CELF2: variants seen among roughly 807,000 people sequenced by gnomAD.
The protein encoded by CELF2 is CUG triplet repeat RNA-binding protein 2.
A neutral mutation model predicts 62.6 loss-of-function variants in CELF2; 8 were observed. The observed-to-expected ratio is 0.13, with a 90% CI of 0.07 to 0.23. The LOEUF (loss-of-function observed/expected upper bound fraction) is 0.23, where lower values mean the gene tolerates loss of function less well. CELF2 is among the 10% of genes least tolerant of loss of function. The pLI is 1.00. For missense variants in CELF2, 333 were observed against 671.0 expected (o/e 0.50, Z 5.56); for synonymous variants, 258 against 250.0 (o/e 1.03, Z -0.30).
In CELF2 at chr10:10,934,128, G is replaced by A. The variant is rs1470408816; in HGVS notation, c.89+14129G>A. ...CTTATTTTGCGTCTTTTTTGTAATA[G>A]CCATTTTAATTGGGGTGAGGTGATA... On this transcript the variant is annotated intron_variant, in intron 2 of 13. Transcript: ENST00000636488. This position sits in a 1 kb window ranked among gnomAD's most constrained non-coding sequence, Gnocchi z 4.4. Among the ~76,000 whole-genome samples, 2 of 152,104 alleles carry A rather than the reference G, an allele frequency of 1.3e-5. No homozygotes were observed. Among genetic ancestry groups the A allele is most frequent in the African/African-American group, 4.8e-5 (2 of 41,420 alleles).
chr10:10,471,247 G>T, the CELF2 span, among the ~76,000 whole-genome samples: 1 of 151,572 alleles, frequency 6.6e-6, no homozygotes, highest in East Asian at 1.9e-4. Context: ...TTTCCATTTA[G>T]GTTGGTACTG....
chr10:10,979,837 A>G (rs977097011), intron 2 of CELF2, among the ~76,000 whole-genome samples: 1 of 152,230 alleles, frequency 6.6e-6, no homozygotes, highest in African/African-American at 2.4e-5. Context: ...AAATGCTGAT[A>G]ACAGTAAAGT....
chr10:10,723,776 C>T, the CELF2 span, among the ~76,000 whole-genome samples: 1 of 152,164 alleles, frequency 6.6e-6, no homozygotes, highest in African/African-American at 2.4e-5. Context: ...AATATGTATT[C>T]CGTGAACAGC....
At chr10:10,914,236 G>A (rs977461654) in intron 1 of CELF2, among the ~76,000 whole-genome samples, 2 of 152,056 alleles carry the variant, frequency 1.3e-5, no homozygotes. Flanking sequence ...CACACAATTA[G>A]CATGGGGGCT....
At chr10:11,292,616 C>T (rs926974282) in intron 9 of CELF2, among the ~76,000 whole-genome samples, 2 of 152,148 alleles carry the variant, frequency 1.3e-5, no homozygotes, top group Non-Finnish European at 2.9e-5. Context: ...GTGACATGCA[C>T]GAGGCAGTAT....
chr10:10,546,756 G>T, the CELF2 span, among the ~76,000 whole-genome samples: 4 of 152,074 alleles, frequency 2.6e-5, no homozygotes, highest in African/African-American at 9.7e-5. Flanking sequence ...GGGAAAAGGA[G>T]AGACAAGTAC....
the CELF2 span, among the ~76,000 whole-genome samples, chr10:10,568,367 C>T: frequency 6.6e-6 from 1 of 152,086 alleles, no homozygotes; most frequent in African/African-American, 2.4e-5. Flanking sequence ...CAAATTACTG[C>T]CTACAATTGG....
chr10:11,100,848 GCT>G (rs1030929893), intron 1 of CELF2, among the ~76,000 whole-genome samples: 5 of 152,160 alleles, frequency 3.3e-5, no homozygotes, highest in African/African-American at 1.2e-4. Context: ...TCCCATACCA[GCT>G]CTCTGATTTT....
chr10:10,841,707 C>T (rs1233924757), intron 1 of CELF2, among the ~76,000 whole-genome samples: 1 of 151,958 alleles, frequency 6.6e-6, no homozygotes, highest in South Asian at 2.1e-4. Flanking sequence ...TAGTGTGAAT[C>T]CTCCATATTT....
chr10:11,253,000 T>G (rs1466318304), intron 4 of CELF2, among the ~76,000 whole-genome samples: 2 of 152,156 alleles, frequency 1.3e-5, no homozygotes, highest in Non-Finnish European at 2.9e-5. Context: ...CCATCCAGCT[T>G]TTAATCCTCT....
chr10:10,612,065 G>A, the CELF2 span, among the ~76,000 whole-genome samples: 1 of 152,096 alleles, frequency 6.6e-6, no homozygotes, highest in Admixed American at 6.5e-5. Flanking sequence ...TTTGGCAAAA[G>A]GAAAATTTCC....
the CELF2 span, among the ~76,000 whole-genome samples, chr10:10,545,718 T>C: frequency 1.1e-4 from 17 of 152,174 alleles, no homozygotes; most frequent in African/African-American, 4.1e-4. Flanking sequence ...CAAATCTTTT[T>C]ATGTTAAGAA....
the CELF2 span, among the ~76,000 whole-genome samples, chr10:10,688,771 A>G: frequency 6.6e-6 from 1 of 152,116 alleles, no homozygotes; most frequent in South Asian, 2.1e-4. Flanking sequence ...ACTTAGAGAC[A>G]AGAGTGTCAC....
intron 2 of CELF2, among the ~76,000 whole-genome samples, chr10:10,952,767 C>T (rs1411430877): frequency 1.3e-5 from 2 of 151,500 alleles, no homozygotes; most frequent in East Asian, 1.9e-4. Context: ...GTAATTATGG[C>T]CAATGGCCTT....
At chr10:10,627,355 G>A in the CELF2 span, among the ~76,000 whole-genome samples, 2 of 152,248 alleles carry the variant, frequency 1.3e-5, no homozygotes, top group Admixed American at 6.5e-5. Flanking sequence ...GCTGCTTGTC[G>A]GCTAATATTA....
rs2096013284 is a variant in CELF2 at position 11,331,340 on chromosome 10, T to TGGG, written c.*2288_*2289insGGG. 1 of 150,548 alleles carries TGGG rather than the reference T, an allele frequency of 6.6e-6. No individual in the cohort carries two copies. The allele number at this position is 150,548 out of a possible 1,614,324, so 9.3% of individuals were successfully genotyped here. A position where few individuals can be genotyped will look rare whatever the true frequency, so the allele number is the denominator to read the frequency against. ...TTGTTTGCTTAAAAAAAATTTCATG[T>TGGG]GAGGGAAAAAAAAAAAACCTATTCC... On this transcript the variant is annotated 3_prime_UTR_variant, in exon 13 of 13. Coordinates refer to ENST00000633077, the MANE Select transcript of CELF2 (RefSeq NM_001326342.2).
At chr10:10,653,716 C>T in the CELF2 span, among the ~76,000 whole-genome samples, 9 of 147,376 alleles carry the variant, frequency 6.1e-5, no homozygotes, top group East Asian at 1.6e-3. Context: ...GCATTCAAAG[C>T]AGTGTGTAGA....
the CELF2 span, among the ~76,000 whole-genome samples, chr10:10,728,804 T>C: frequency 1.3e-5 from 2 of 151,834 alleles, no homozygotes; most frequent in South Asian, 4.1e-4. Flanking sequence ...GTAGATTTCT[T>C]TCTCTCTCTC....
intron 2 of CELF2, among the ~76,000 whole-genome samples, chr10:11,197,675 T>C (rs144428177): frequency 6.6e-6 from 1 of 152,358 alleles, no homozygotes; most frequent in East Asian, 1.9e-4. Context: ...CTGTTTGACT[T>C]ACACGGTCGG....
Sources: gnomAD v4.1 joint callset for allele counts (sites outside exome capture counted in the v4.1 genomes callset) on GRCh38, gnomAD v4.1.1 for gene constraint, Gnocchi (gnomAD v3.1) non-coding constraint, MANE v1.5 for transcripts, NCBI Gene and HGNC (gene_info 2026-07-23, HGNC 2026-07-21) for gene names.